The following SRPK1 variants were observed in gnomAD, a reference collection of about 807,000 sequenced individuals.
SRPK1 encodes SFRS protein kinase 1.
SRPK1 carries 52 observed loss-of-function variants against 89.5 expected under a neutral mutation model. The observed-to-expected ratio is 0.58, with a 90% CI of 0.46 to 0.73. The LOEUF (loss-of-function observed/expected upper bound fraction) is 0.73, where lower values mean the gene tolerates loss of function less well. Among genes scored for constraint, SRPK1 ranks in the 30% least tolerant of loss-of-function variants. The pLI is 0.00. For missense variants in SRPK1, 603 were observed against 780.6 expected, an observed-to-expected ratio of 0.77 and a Z score of 2.71; for synonymous variants, 255 against 270.2, an observed-to-expected ratio of 0.94 and a Z score of 0.55.
chr6:35,868,891 T>C (rs1769966609), intron 12 of SRPK1, 119 bp downstream of exon 12: 1 of 696,330 alleles, frequency 1.4e-6, no homozygotes, highest in Non-Finnish European at 2.3e-6. Context: ...TAAAAAAATA[T>C]TCACTGAAGT....
rs185764526 is a variant in SRPK1 at position 35,862,390 on chromosome 6, T to C, written c.1513-5022A>G. On this transcript the variant is annotated intron_variant, in intron 12 of 15. Coordinates refer to ENST00000373825, the MANE Select transcript of SRPK1 (RefSeq NM_003137.5). ...ACTGTACCCTAAGCCACAGAGGAAA[T>C]TGCAGATACCCCTGACCCTGTGTAC... Among the ~76,000 whole-genome samples, 315 of 152,154 alleles carry C rather than the reference T, an allele frequency of 2.1e-3. 9 individuals carry two copies. Among genetic ancestry groups the C allele is most frequent in the Admixed American group, 0.02 (302 of 15,288 alleles).
chr6:35,885,986 T>C (rs1052356550), intron 6 of SRPK1, among the ~76,000 whole-genome samples: 3 of 152,222 alleles, frequency 2.0e-5, no homozygotes, highest in African/African-American at 7.2e-5. Flanking sequence ...AGTTGAGGCT[T>C]AGTATAATAA....
chr6:35,858,561 A>G (rs539647452), intron 12 of SRPK1, among the ~76,000 whole-genome samples: 1 of 152,316 alleles, frequency 6.6e-6, no homozygotes, highest in South Asian at 2.1e-4. Context: ...AAAACAATGG[A>G]GCAACGACAT....
intron 14 of SRPK1, among the ~76,000 whole-genome samples, chr6:35,840,140 A>G (rs1050032575): frequency 6.6e-6 from 1 of 152,202 alleles, no homozygotes; most frequent in African/African-American, 2.4e-5. Flanking sequence ...AGCTTTAGAA[A>G]ATACTTTTAT....
intron 2 of SRPK1, among the ~76,000 whole-genome samples, chr6:35,916,986 G>A (rs1418820945): frequency 1.3e-5 from 2 of 152,162 alleles, no homozygotes. Context: ...CTTGAGCCCG[G>A]GAGGCAGAGG....
chr6:35,915,175 G>A (rs901666803), intron 2 of SRPK1, among the ~76,000 whole-genome samples: 1 of 152,016 alleles, frequency 6.6e-6, no homozygotes, highest in Non-Finnish European at 1.5e-5. Context: ...AGGCTGAGGC[G>A]GGCAGAACGC....
At position 35,874,344 on chromosome 6, in the gene SRPK1, G is replaced by A. The variant is rs78192000; in HGVS notation, c.479-5C>T. On this transcript the variant is annotated splice_region_variant and splice_polypyrimidine_tract_variant and intron_variant, in intron 6 of 15. Coordinates refer to ENST00000373825, the MANE Select transcript of SRPK1 (RefSeq NM_003137.5). ...CTTCAAATACCATGCAGATATCTAG[G>A]AATTCATTAAGGAGGGAAAAAACGG... The A allele has an allele frequency of 4.8e-4, 773 of 1,605,350 alleles. 4 individuals carry two copies. The East Asian group carries it at 0.015, about 32-fold the overall frequency.
intron 13 of SRPK1, among the ~76,000 whole-genome samples, chr6:35,849,946 A>G (rs1769517820): frequency 1.3e-5 from 2 of 152,234 alleles, no homozygotes; most frequent in African/African-American, 2.4e-5. Context: ...ATGAAGTGAA[A>G]TAAGCCAGGG....
intron 6 of SRPK1, among the ~76,000 whole-genome samples, chr6:35,883,824 T>C (rs1269655501): frequency 6.6e-6 from 1 of 151,896 alleles, no homozygotes; most frequent in Non-Finnish European, 1.5e-5. Flanking sequence ...AATCTCCTCC[T>C]CCCAGGTTCA....
intron 14 of SRPK1, 31 bp downstream of exon 14, chr6:35,842,504 C>T (rs753346603): frequency 3.0e-5 from 46 of 1,548,084 alleles, no homozygotes; most frequent in South Asian, 1.2e-4. Flanking sequence ...GTAAATACCA[C>T]GCACACACAT....
In SRPK1 at chr6:35,901,302, C is replaced by A. The variant is rs949159757; in HGVS notation, c.75-10289G>T. On this transcript the variant is annotated intron_variant, in intron 2 of 15. Transcript: ENST00000373825. Reference sequence around the variant, plus strand: ...TAAGATGAGGTTATCAGGATAAGCCCGAATCCAACATGACTACTGTCCTTT... The same window carrying A: ...TAAGATGAGGTTATCAGGATAAGCCAGAATCCAACATGACTACTGTCCTTT... 3.9e-5 allele frequency among the ~76,000 whole-genome samples: 6 copies of A among 152,128 alleles called. No individual in the cohort carries two copies. The East Asian group carries it at 1.2e-3, about 29-fold the overall frequency.
At position 35,921,077 on chromosome 6, in the gene SRPK1, G is replaced by A. The variant is rs542292962; in HGVS notation, c.-21C>T. Reference sequence around the variant, plus strand: ...TCCATGGTGAGACCGGTAATCGCCAGGCGCCTGCGCACTCGAGTGGCGGCG... The same window carrying A: ...TCCATGGTGAGACCGGTAATCGCCAAGCGCCTGCGCACTCGAGTGGCGGCG... On this transcript the variant is annotated 5_prime_UTR_variant, in exon 1 of 16. Coordinates refer to ENST00000373825, the MANE Select transcript of SRPK1 (RefSeq NM_003137.5). 1.6e-5 allele frequency: 24 copies of A among 1,516,098 alleles called. No individual in the cohort carries two copies. The highest frequency in any genetic ancestry group is 4.3e-5 in the African/African-American group (3 of 69,630). 93.9% of individuals were successfully genotyped at this position (1,516,098 alleles called of 1,614,324 possible).
At chr6:35,906,413 CAGGGTT>C (rs1266907231) in intron 2 of SRPK1, among the ~76,000 whole-genome samples, 1 of 152,122 alleles carries the variant, frequency 6.6e-6, no homozygotes, top group Non-Finnish European at 1.5e-5. Flanking sequence ...TTAGTAGAGA[CAGGGTT>C]AGGCCATGTT....
intron 8 of SRPK1, 72 bp from the exon 9 acceptor site, chr6:35,871,031 C>T: frequency 1.6e-6 from 2 of 1,288,828 alleles, no homozygotes; most frequent in Non-Finnish European, 2.2e-6. Context: ...TCAGATAAAA[C>T]ACTCTACCAG....
At chr6:35,869,982 C>T (rs1393587009) in intron 10 of SRPK1, 81 bp from the exon 11 acceptor site, 2 of 1,420,324 alleles carry the variant, frequency 1.4e-6, no homozygotes, top group Non-Finnish European at 1.9e-6. Flanking sequence ...AAGATTAAAA[C>T]ATTTTCTAGA....
intron 6 of SRPK1, among the ~76,000 whole-genome samples, chr6:35,883,217 C>T (rs1009067746): frequency 2.6e-5 from 4 of 152,020 alleles, no homozygotes; most frequent in Non-Finnish European, 4.4e-5. Flanking sequence ...GGCAAAACCC[C>T]GTCTCTGCTA....
At chr6:35,898,225 T>G (rs1045577862) in intron 2 of SRPK1, among the ~76,000 whole-genome samples, 2 of 152,136 alleles carry the variant, frequency 1.3e-5, no homozygotes, top group Non-Finnish European at 2.9e-5. Context: ...TTGCAGCAAC[T>G]TGGATGGAGC....
chr6:35,894,868 C>G (rs938877542), intron 2 of SRPK1, among the ~76,000 whole-genome samples: 1 of 151,912 alleles, frequency 6.6e-6, no homozygotes, highest in African/African-American at 2.4e-5. Context: ...GTCAAGAAAA[C>G]AAAGCAGTAA....
At chr6:35,879,690 T>C (rs1394067650) in intron 6 of SRPK1, among the ~76,000 whole-genome samples, 1 of 152,136 alleles carries the variant, frequency 6.6e-6, no homozygotes, top group Non-Finnish European at 1.5e-5. Flanking sequence ...GTACAGCATA[T>C]TCAAACGACA....
Sources: allele counts gnomAD v4.1 joint callset (sites outside exome capture counted in the v4.1 genomes callset), GRCh38; gene constraint gnomAD v4.1.1; transcripts MANE v1.5; gene names NCBI Gene and HGNC (gene_info 2026-07-23, HGNC 2026-07-21).